Variants in VSTM1 observed in about 807,000 individuals in gnomAD.
VSTM1 encodes V-set and transmembrane domain-containing protein 1.
Under a neutral mutation model 33.1 loss-of-function variants are expected in VSTM1, and 27 were observed. The ratio of observed to expected loss-of-function variants is 0.82; its 90% CI spans 0.60 to 1.12. The LOEUF (loss-of-function observed/expected upper bound fraction) is 1.12. VSTM1 is among the 50% of genes most tolerant of loss of function. The pLI is 0.00. For missense variants in VSTM1, 304 were observed against 288.9 expected (o/e 1.05, Z -0.38); for synonymous variants, 115 against 110.3 (o/e 1.04, Z -0.27).
At chr19:54,049,310 A>G (rs555417720) in intron 4 of VSTM1, among the ~76,000 whole-genome samples, 19 of 152,308 alleles carry the variant, frequency 1.2e-4, no homozygotes, top group Non-Finnish European at 2.1e-4. Flanking sequence ...TCATAGACAC[A>G]GAGAAGCATA....
chr19:54,042,009 T>G (rs2070304827), intron 6 of VSTM1, 56 bp from the exon 7 acceptor site: 1 of 1,608,354 alleles, frequency 6.2e-7, no homozygotes, highest in Admixed American at 1.7e-5. Context: ...GGGGAGAGGG[T>G]GAGGGCAATG....
At chr19:54,043,954 C>T (rs1436399510) in intron 4 of VSTM1, among the ~76,000 whole-genome samples, 1 of 151,866 alleles carries the variant, frequency 6.6e-6, no homozygotes, top group Non-Finnish European at 1.5e-5. Flanking sequence ...CAATGGGTTC[C>T]CATTGTTGCC....
intron 4 of VSTM1, among the ~76,000 whole-genome samples, chr19:54,046,463 G>T (rs17207272): frequency 7.2e-5 from 11 of 151,976 alleles, no homozygotes; most frequent in African/African-American, 2.7e-4. Flanking sequence ...GCTTTAAAGC[G>T]CTCAGTCTAG....
rs145490207 is a variant in VSTM1 at position 54,063,745 on chromosome 19, G to C, written c.33C>G (p.Leu11=). 3.7e-6 allele frequency: 6 copies of C among 1,613,658 alleles called. No homozygotes were observed. Among genetic ancestry groups the C allele is most frequent in the Non-Finnish European group, 5.1e-6 (6 of 1,179,856 alleles). The change falls in exon 1 of 9, where the codon CTC becomes CTG. Residue 11 remains leucine (L), a splice_region_variant and synonymous_variant. Coordinates refer to ENST00000338372, the MANE Select transcript of VSTM1 (RefSeq NM_198481.4). ...TTCGTCCCAGTCCTGGAGACTCACC[G>C]AGGCAAAGCAGGGAGAGGAATTCTG... MTAEFLSLLC[L]GLCLGYEDEK...
chr19:54,051,463 G>T lies in VSTM1; in HGVS notation c.356-15C>A. On this transcript the variant is annotated splice_polypyrimidine_tract_variant and intron_variant, in intron 3 of 8. Transcript: ENST00000338372. Reference sequence around the variant, plus strand: ...ATCGTGTTTATCTAGAAAATAGGAGGGAAGAAAAGGAATTACACTAATCAT... The same window carrying T: ...ATCGTGTTTATCTAGAAAATAGGAGTGAAGAAAAGGAATTACACTAATCAT... 6.3e-7 allele frequency: 1 copy of T among 1,593,152 alleles called. No homozygotes were observed. Among genetic ancestry groups the T allele is most frequent in the Non-Finnish European group, 8.5e-7 (1 of 1,173,188 alleles).
rs1320221580 is a variant in VSTM1, at chr19:54,042,837, T to TATATACAC, written c.395-469_395-468insGTGTATAT. Among the ~76,000 whole-genome samples the TATATACAC allele has an allele frequency of 4.5e-5, 3 of 66,426 alleles. No homozygotes were observed. The South Asian group carries it at 1.2e-3, about 26-fold the overall frequency. The allele number at this position is 66,426 out of a possible 152,430, so 43.6% of individuals were successfully genotyped here. ...ATATATATATATATATATATATATATACATATATATATATATATACACACT... is the reference window on the plus strand; with the variant it reads ...ATATATATATATATATATATATATATATATACACACATATATATATATATATACACACT... On this transcript the variant is annotated intron_variant, in intron 4 of 8. Coordinates refer to ENST00000338372, the MANE Select transcript of VSTM1 (RefSeq NM_198481.4).
intron 1 of VSTM1, 116 bp from the exon 2 acceptor site, chr19:54,058,848 A>T: frequency 2.3e-6 from 1 of 430,498 alleles, no homozygotes; most frequent in Non-Finnish European, 3.9e-6. Context: ...TATATAATGT[A>T]TATATGTATT....
intron 3 of VSTM1, 133 bp downstream of exon 3, chr19:54,058,173 G>T (rs2071195681): frequency 1.0e-6 from 1 of 970,444 alleles, no homozygotes; most frequent in Admixed American, 2.8e-5. Context: ...CCAGGAGGCA[G>T]AAGTTGCAGT....
intron 8 of VSTM1, among the ~76,000 whole-genome samples, chr19:54,041,372 G>A (rs556447707): frequency 3.3e-5 from 5 of 151,960 alleles, no homozygotes; most frequent in South Asian, 4.2e-4. Context: ...CGTGATCTCG[G>A]CTCACTGCAA....
intron 4 of VSTM1, among the ~76,000 whole-genome samples, chr19:54,050,846 G>A (rs10424695): frequency 0.19 from 28,315 of 151,568 alleles, 3,237 homozygotes; most frequent in African/African-American, 0.32. Flanking sequence ...ACAAAACTGA[G>A]CTGGATATGG....
In VSTM1 at chr19:54,052,323, G is replaced by A. The variant is rs4806492; in HGVS notation, c.356-875C>T. ...TGAGGCAGGAGAATGGCGTGAACCC[G>A]GGAGGCGGAGCTTGCAGTGAGCCGA... On this transcript the variant is annotated intron_variant, in intron 3 of 8. Coordinates refer to ENST00000338372, the MANE Select transcript of VSTM1 (RefSeq NM_198481.4). Among the ~76,000 whole-genome samples the A allele has an allele frequency of 1.1e-4, 15 of 139,184 alleles. 4 individuals are homozygous for A. The highest frequency in any genetic ancestry group is 6.1e-4 in the East Asian group (3 of 4,900). The allele number at this position is 139,184 out of a possible 152,430, so 91.3% of individuals were successfully genotyped here.
chr19:54,045,162 A>G (rs10419774), intron 4 of VSTM1, among the ~76,000 whole-genome samples: 72,979 of 151,964 alleles, frequency 0.48, 18,207 homozygotes, highest in African/African-American at 0.57. Context: ...CTATGTTTGC[A>G]TTGGCATTTC....
intron 4 of VSTM1, 47 bp downstream of exon 4, chr19:54,051,363 T>C (rs1246928834): frequency 1.3e-6 from 2 of 1,496,342 alleles, no homozygotes; most frequent in Non-Finnish European, 1.8e-6. Flanking sequence ...AAGGTGATCA[T>C]GAAGCAGATC....
rs192386600 is a variant in VSTM1 at position 54,041,764 on chromosome 19, A to C, written c.591+15T>G. The C allele has an allele frequency of 2.9e-3, 4,612 of 1,612,446 alleles. 17 individuals are homozygous for C. The highest frequency in any genetic ancestry group is 8.8e-3 in the Middle Eastern group (53 of 6,052). ...TGAGGGAGCTCTTGTGGGACTCCTAAGCGGGAGGACTCACCGAGAGAGATA... is the reference window on the plus strand; with the variant it reads ...TGAGGGAGCTCTTGTGGGACTCCTACGCGGGAGGACTCACCGAGAGAGATA... On this transcript the variant is annotated intron_variant, in intron 8 of 8. Transcript: ENST00000338372.
intron 4 of VSTM1, among the ~76,000 whole-genome samples, chr19:54,042,806 G>GTATATATATATATATA (rs1203522841): frequency 6.4e-4 from 37 of 57,934 alleles, no homozygotes; most frequent in Non-Finnish European, 9.8e-4. Flanking sequence ...ATATAAATGT[G>GTATATATATATATATA]TATATATATA....
In VSTM1 at chr19:54,042,281, C is replaced by T. The variant is rs1405034206; in HGVS notation, c.483G>A (p.Gln161=). 8.1e-6 allele frequency: 13 copies of T among 1,613,694 alleles called. No individual in the cohort carries two copies. The highest frequency in any genetic ancestry group is 1.1e-5 in the Non-Finnish European group (13 of 1,179,962). The change falls in exon 5 of 9, where the codon CAG becomes CAA. Residue 161 remains glutamine, a synonymous_variant. Coordinates refer to ENST00000338372, the MANE Select transcript of VSTM1 (RefSeq NM_198481.4). The part of the protein sequence containing the change: ...LSVFIIYRCS[Q]HSSSSEESTK... ...CTTTGCGTTCTCTGAGCTCACTGTG[C>T]TGGCTGCATCTGTAGATGATGAAGA... is the stretch of plus-strand genomic sequence containing the variant.
intron 1 of VSTM1, among the ~76,000 whole-genome samples, chr19:54,060,820 A>C (rs1042456022): frequency 1.3e-4 from 20 of 151,676 alleles, no homozygotes; most frequent in Non-Finnish European, 2.4e-4. Context: ...CCTCCCAAAT[A>C]ACTGGGACTA....
rs376484936 is a variant in VSTM1, at chr19:54,041,830, G to GA, written c.554-15dup. 0.017 allele frequency: 22,022 copies of GA among 1,267,848 alleles called. 65 individuals carry two copies. Among genetic ancestry groups the GA allele is most frequent in the Middle Eastern group, 0.027 (139 of 5,056 alleles). The allele number at this position is 1,267,848 out of a possible 1,614,324, so 78.5% of individuals were successfully genotyped here. A position where few individuals can be genotyped will look rare whatever the true frequency, so the allele number is the denominator to read the frequency against. On this transcript the variant is annotated splice_polypyrimidine_tract_variant and intron_variant, in intron 7 of 8. Coordinates refer to ENST00000338372, the MANE Select transcript of VSTM1 (RefSeq NM_198481.4). ...ATAAATCTGCCTCTGAGTGAGAAAGGAAAAAAAAAAATCAGTTCTCAGCTG... is the reference window on the plus strand; with the variant it reads ...ATAAATCTGCCTCTGAGTGAGAAAGGAAAAAAAAAAAATCAGTTCTCAGCTG...
At chr19:54,048,560 C>A (rs1293190789) in intron 4 of VSTM1, among the ~76,000 whole-genome samples, 2 of 151,974 alleles carry the variant, frequency 1.3e-5, no homozygotes, top group Non-Finnish European at 2.9e-5. Context: ...GATATTGGAA[C>A]CCACATATAT....
Sources: gnomAD v4.1 joint callset for allele counts (sites outside exome capture counted in the v4.1 genomes callset) on GRCh38, gnomAD v4.1.1 for gene constraint, MANE v1.5 for transcripts, NCBI Gene and HGNC (gene_info 2026-07-23, HGNC 2026-07-21) for gene names.